The following VAV2 variants were observed in gnomAD, a reference collection of about 807,000 sequenced individuals.
VAV2 encodes the protein guanine nucleotide exchange factor VAV2.
In VAV2, 67 loss-of-function variants were observed where a neutral mutation model predicts 132.5. The ratio of observed to expected loss-of-function variants is 0.51; its 90% CI spans 0.42 to 0.62. The LOEUF is 0.62. Ranked by LOEUF, VAV2 falls within the 20% of genes least tolerant of loss-of-function variation. VAV2 has a pLI of 0.00. For synonymous variants in VAV2, 492 were observed against 443.5 expected (o/e 1.11, Z -1.37); for missense variants, 938 against 1,153.6 (o/e 0.81, Z 2.71).
intron 1 of VAV2, among the ~76,000 whole-genome samples, chr9:133,982,685 G>C (rs1842736435): frequency 6.6e-6 from 1 of 152,148 alleles, no homozygotes; most frequent in African/African-American, 2.4e-5. Context: ...GGTTTTGGAG[G>C]CCCCACTGCC....
chr9:133,876,605 G>T (rs1838275737), intron 2 of VAV2, among the ~76,000 whole-genome samples: 1 of 152,256 alleles, frequency 6.6e-6, no homozygotes, highest in African/African-American at 2.4e-5. Context: ...GGAGTGCAGG[G>T]TCAGGCTGGT....
chr9:133,942,806 G>C (rs2789851), intron 1 of VAV2, among the ~76,000 whole-genome samples: 102,495 of 152,032 alleles, frequency 0.67, 34,765 homozygotes, highest in East Asian at 0.8. Flanking sequence ...AGTCCTCCTG[G>C]TGCAGCTCTG....
intron 4 of VAV2, among the ~76,000 whole-genome samples, chr9:133,815,404 C>A (rs538253261): frequency 6.6e-6 from 1 of 152,192 alleles, no homozygotes; most frequent in East Asian, 1.9e-4. Context: ...GTCACTCATG[C>A]CCTCCCACAC....
Position 133,826,600 on chromosome 9 carries a change from T to C in VAV2, c.449+7672A>G, listed in dbSNP as rs1417412849. Among the ~76,000 whole-genome samples, 1 of 152,168 alleles carries C rather than the reference T, an allele frequency of 6.6e-6. No individual in the cohort carries two copies. The highest frequency in any genetic ancestry group is 1.5e-5 in the Non-Finnish European group (1 of 68,008). ...GTTTACCAGCTGGCTGTCAGACATC[T>C]AGCAGCACACTCTGGGAAGAGGCTC... On this transcript the variant is annotated intron_variant, in intron 4 of 29. Coordinates refer to ENST00000371850, the MANE Select transcript of VAV2 (RefSeq NM_001134398.2). This position sits in a 1 kb window ranked among gnomAD's most constrained non-coding sequence, Gnocchi z 4.2.
Position 133,766,751 on chromosome 9 carries a change from T to TATAA in VAV2, c.2589+1687_2589+1690dup, listed in dbSNP as rs1225645947. On this transcript the variant is annotated intron_variant, in intron 29 of 29. Coordinates refer to ENST00000371850, the MANE Select transcript of VAV2 (RefSeq NM_001134398.2). Reference sequence around the variant, plus strand: ...TGCACATGTACCCTAGAACTTAAAGTATAAATAAATATATATATATATATA... The same window carrying TATAA: ...TGCACATGTACCCTAGAACTTAAAGTATAAATAAATAAATATATATATATATATA... Among the ~76,000 whole-genome samples, 49 of 67,420 alleles carry TATAA rather than the reference T, an allele frequency of 7.3e-4. 2 individuals carry two copies. The East Asian group carries it at 8.0e-3, about 11-fold the overall frequency. The allele number at this position is 67,420 out of a possible 152,430, so 44.2% of individuals were successfully genotyped here.
chr9:133,822,484 T>C (rs1478834625), intron 4 of VAV2, among the ~76,000 whole-genome samples: 4 of 152,112 alleles, frequency 2.6e-5, no homozygotes, highest in African/African-American at 7.2e-5. Context: ...GACGGAGAGA[T>C]AGACAGACAG....
In VAV2 at chr9:133,763,997, G is replaced by C; in HGVS notation, c.*65C>G. 8.2e-6 allele frequency: 13 copies of C among 1,592,468 alleles called. No homozygotes were observed. In the South Asian group the frequency reaches 1.2e-4, roughly 15 times the overall value. On this transcript the variant is annotated 3_prime_UTR_variant, in exon 30 of 30. Coordinates refer to ENST00000371850, the MANE Select transcript of VAV2 (RefSeq NM_001134398.2). This position sits in a 1 kb window ranked among gnomAD's most constrained non-coding sequence, Gnocchi z 6.8. The stretch of plus-strand genomic sequence containing the variant: ...CCCTCTGAGTCACAGAGGAGCTAGA[G>C]ACAGACTTCAGGGCTGGAGTGACTC...
At chr9:133,898,173 G>T (rs997582380) in intron 2 of VAV2, among the ~76,000 whole-genome samples, 4 of 152,176 alleles carry the variant, frequency 2.6e-5, no homozygotes, top group African/African-American at 9.7e-5. Flanking sequence ...AAAGCACAGA[G>T]AAGGAAACTG....
In VAV2 at chr9:133,940,417, C is replaced by T. The variant is rs112314477; in HGVS notation, c.205-1198G>A. 9.5e-3 allele frequency among the ~76,000 whole-genome samples: 1,449 copies of T among 152,310 alleles called. 21 individuals are homozygous for T. The highest frequency in any genetic ancestry group is 0.033 in the African/African-American group (1,379 of 41,556). On this transcript the variant is annotated intron_variant, in intron 1 of 29. Coordinates refer to ENST00000371850, the MANE Select transcript of VAV2 (RefSeq NM_001134398.2). ...CTCACTGGAAATTTAGACAAATGGA[C>T]AGACTTAGACATAGTGCACGTCAGA...
At position 133,826,991 on chromosome 9, in the gene VAV2, A is replaced by AG. The variant is rs1260133506; in HGVS notation, c.449+7280dup. 6.6e-6 allele frequency among the ~76,000 whole-genome samples: 1 copy of AG among 152,148 alleles called. No individual in the cohort carries two copies. The highest frequency in any genetic ancestry group is 2.4e-5 in the African/African-American group (1 of 41,428). On this transcript the variant is annotated intron_variant, in intron 4 of 29. Coordinates refer to ENST00000371850, the MANE Select transcript of VAV2 (RefSeq NM_001134398.2). The surrounding 1 kb of genome is among the most constrained non-coding windows in gnomAD (Gnocchi z 4.2). ...AAATCCTCCTCCATCAAGGCCTGGA[A>AG]GCATTCCCAGGGCCCCCCACAGACT... is the stretch of plus-strand genomic sequence containing the variant.
chr9:133,976,457 G>A (rs1842515086), intron 1 of VAV2, among the ~76,000 whole-genome samples: 1 of 152,200 alleles, frequency 6.6e-6, no homozygotes, highest in Non-Finnish European at 1.5e-5. Context: ...CTAGATTGGA[G>A]CCCTAGTAAG....
chr9:133,983,448 C>A (rs1842759728), intron 1 of VAV2, among the ~76,000 whole-genome samples: 2 of 152,144 alleles, frequency 1.3e-5, no homozygotes, highest in African/African-American at 4.8e-5. Flanking sequence ...CCACGCCAGG[C>A]CCCCACCAAG....
rs1210246374 is a variant in VAV2 at position 133,964,037 on chromosome 9, A to G, written c.205-24818T>C. Among the ~76,000 whole-genome samples the G allele has an allele frequency of 3.9e-5, 4 of 102,524 alleles. 1 individual carries two copies. Among genetic ancestry groups the G allele is most frequent in the South Asian group, 4.1e-4 (1 of 2,448 alleles). 67.3% of individuals were successfully genotyped at this position (102,524 alleles called of 152,430 possible). ...ATTATTCATTCATATATATATATATATATATATATATACATATATATACAT... is the reference window on the plus strand; with the variant it reads ...ATTATTCATTCATATATATATATATGTATATATATATACATATATATACAT... On this transcript the variant is annotated intron_variant, in intron 1 of 29. Transcript: ENST00000371850.
Position 133,912,213 on chromosome 9 carries a change from G to A in VAV2, c.321+26890C>T, listed in dbSNP as rs188516151. 2.6e-5 allele frequency among the ~76,000 whole-genome samples: 4 copies of A among 152,306 alleles called. No homozygotes were observed. Among genetic ancestry groups the A allele is most frequent in the Non-Finnish European group, 1.5e-5 (1 of 68,036 alleles). On this transcript the variant is annotated intron_variant, in intron 2 of 29. Transcript: ENST00000371850. The surrounding 1 kb of genome is among the most constrained non-coding windows in gnomAD (Gnocchi z 4.3). ...GGCCTCCAACACACGTGGGAGAAGG[G>A]CTGACAACCAGGAGTGTTTTAGTAC...
chr9:133,950,118 A>C (rs762596406), intron 1 of VAV2, among the ~76,000 whole-genome samples: 7 of 152,192 alleles, frequency 4.6e-5, no homozygotes, highest in Non-Finnish European at 8.8e-5. Context: ...CAAGATCTCA[A>C]GAAAAGAGAG....
Position 133,769,525 on chromosome 9 carries a change from C to T in VAV2, c.2348-22G>A, listed in dbSNP as rs548057880. ...GAAGCTGCAAAGAGGCGAGAGAGAA[C>T]GTGAGGCGGGCAGCAGGGCATCCAC... On this transcript the variant is annotated intron_variant, in intron 27 of 29. Coordinates refer to ENST00000371850, the MANE Select transcript of VAV2 (RefSeq NM_001134398.2). The surrounding 1 kb of genome is among the most constrained non-coding windows in gnomAD (Gnocchi z 8.1). 32 of 1,602,766 alleles carry T rather than the reference C, an allele frequency of 2.0e-5. No individual in the cohort carries two copies. In the East Asian group the frequency reaches 2.3e-4, roughly 11 times the overall value.
Position 133,781,987 on chromosome 9 carries a change from G to T in VAV2, c.1724-1277C>A, listed in dbSNP as rs1834025026. On this transcript the variant is annotated intron_variant, in intron 19 of 29. Transcript: ENST00000371850. ...TGCAGAAAGCAGGACAGTGCTTGGG[G>T]CCTCGTGGCAGCTGGCTTTGCCTGG... Among the ~76,000 whole-genome samples the T allele has an allele frequency of 2.0e-5, 3 of 152,188 alleles. No individual in the cohort carries two copies. The South Asian group carries it at 6.2e-4, about 32-fold the overall frequency.
At chr9:133,784,067 G>A (rs976921740) in intron 18 of VAV2, among the ~76,000 whole-genome samples, 2 of 152,160 alleles carry the variant, frequency 1.3e-5, no homozygotes, top group Non-Finnish European at 2.9e-5. Flanking sequence ...TTTTTGTACA[G>A]ACAGAGTTTT....
rs1174393484 is a variant in VAV2 at position 133,824,616 on chromosome 9, G to A, written c.449+9656C>T. On this transcript the variant is annotated intron_variant, in intron 4 of 29. Coordinates refer to ENST00000371850, the MANE Select transcript of VAV2 (RefSeq NM_001134398.2). This position sits in a 1 kb window ranked among gnomAD's most constrained non-coding sequence, Gnocchi z 5.2. The stretch of plus-strand genomic sequence containing the variant: ...TTGTCAGGGTCTGCCCCCAGAGGCT[G>A]CTGCCTGGACAGCACATGTGGGAGG... Among the ~76,000 whole-genome samples, 3 of 152,174 alleles carry A rather than the reference G, an allele frequency of 2.0e-5. No individual in the cohort carries two copies. The highest frequency in any genetic ancestry group is 4.4e-5 in the Non-Finnish European group (3 of 68,016).
Sources: allele counts gnomAD v4.1 joint callset (sites outside exome capture counted in the v4.1 genomes callset), GRCh38; gene constraint gnomAD v4.1.1; non-coding constraint Gnocchi (gnomAD v3.1); transcripts MANE v1.5; gene names NCBI Gene and HGNC (gene_info 2026-07-23, HGNC 2026-07-21).